SLCO3A1: variants seen among roughly 807,000 people sequenced by gnomAD.
SLCO3A1 encodes the protein solute carrier organic anion transporter family member 3A1.
In SLCO3A1, 27 loss-of-function variants were observed where a neutral mutation model predicts 63.1. That is an observed-to-expected ratio of 0.43 (90% CI 0.32 to 0.59). SLCO3A1 has a LOEUF of 0.59. Among genes scored for constraint, SLCO3A1 ranks in the 20% least tolerant of loss-of-function variants. SLCO3A1 has a pLI of 0.09. For synonymous variants in SLCO3A1, 473 were observed against 409.9 expected, an observed-to-expected ratio of 1.15 and a Z score of -1.86; for missense variants, 773 against 945.8, an observed-to-expected ratio of 0.82 and a Z score of 2.40.
At chr15:91,940,228 T>A (rs1469288359) in intron 2 of SLCO3A1, among the ~76,000 whole-genome samples, 1 of 152,160 alleles carries the variant, frequency 6.6e-6, no homozygotes, top group African/African-American at 2.4e-5. Flanking sequence ...TTCAGGTCAG[T>A]GTCCTGTCTG....
chr15:91,973,084 C>G (rs1900943192), intron 2 of SLCO3A1, among the ~76,000 whole-genome samples: 1 of 152,222 alleles, frequency 6.6e-6, no homozygotes, highest in Admixed American at 6.5e-5. Context: ...CATTGCACTC[C>G]AGTCTGGCAA....
intron 1 of SLCO3A1, among the ~76,000 whole-genome samples, chr15:91,914,427 CAG>C (rs1898584212): frequency 1.3e-5 from 2 of 152,136 alleles, no homozygotes; most frequent in African/African-American, 2.4e-5. Flanking sequence ...GAAATAATAA[CAG>C]GGGTTCAAAC....
intron 2 of SLCO3A1, among the ~76,000 whole-genome samples, chr15:92,031,442 G>T (rs536342976): frequency 6.6e-6 from 1 of 152,200 alleles, no homozygotes; most frequent in African/African-American, 2.4e-5. Flanking sequence ...AAATAAGAGG[G>T]CTGAGTTTGC....
At chr15:92,003,820 G>A (rs372976912) in intron 2 of SLCO3A1, among the ~76,000 whole-genome samples, 9 of 152,266 alleles carry the variant, frequency 5.9e-5, no homozygotes, top group Admixed American at 3.9e-4. Context: ...GCTGTGGGTC[G>A]GATCACAGCC....
intron 2 of SLCO3A1, among the ~76,000 whole-genome samples, chr15:91,920,289 G>A (rs544831581): frequency 7.2e-5 from 11 of 152,152 alleles, no homozygotes; most frequent in Non-Finnish European, 1.3e-4. Context: ...GGTGGTGCAC[G>A]GTCCAGGGAG....
chr15:92,023,351 A>G (rs1385198127), intron 2 of SLCO3A1, among the ~76,000 whole-genome samples: 2 of 152,178 alleles, frequency 1.3e-5, no homozygotes. Context: ...TTTCAAGACT[A>G]TGGGATTGAA....
intron 2 of SLCO3A1, among the ~76,000 whole-genome samples, chr15:92,006,102 A>T (rs2046309410): frequency 6.6e-6 from 1 of 152,080 alleles, no homozygotes; most frequent in African/African-American, 2.4e-5. Context: ...TAATTTGCTA[A>T]TCTGTTTTTT....
rs1240690800 is a variant in SLCO3A1 at position 91,968,424 on chromosome 15, A to G, written c.646+51966A>G. 2.6e-5 allele frequency among the ~76,000 whole-genome samples: 4 copies of G among 152,062 alleles called. No homozygotes were observed. The highest frequency in any genetic ancestry group is 9.7e-5 in the African/African-American group (4 of 41,402). On this transcript the variant is annotated intron_variant, in intron 2 of 9. Coordinates refer to ENST00000318445, the MANE Select transcript of SLCO3A1 (RefSeq NM_013272.4). The surrounding 1 kb of genome is among the most constrained non-coding windows in gnomAD (Gnocchi z 4.2). ...AGTGAGTCATAGAGTGGCCCTCTAG[A>G]ATCCTCCAGCCTGTGCTTATTATGC...
Position 92,116,641 on chromosome 15 carries a change from G to C in SLCO3A1, c.1010-3824G>C, listed in dbSNP as rs74622450. Among the ~76,000 whole-genome samples the C allele has an allele frequency of 9.2e-3, 1,409 of 152,344 alleles. 18 individuals are homozygous for C. Among genetic ancestry groups the C allele is most frequent in the African/African-American group, 0.032 (1,343 of 41,578 alleles). On this transcript the variant is annotated intron_variant, in intron 4 of 9. Coordinates refer to ENST00000318445, the MANE Select transcript of SLCO3A1 (RefSeq NM_013272.4). ...TAGCTGCTGCCTCCTTAAAAAGTCA[G>C]AATTTTATAGGCTTAACAATCTGTT... is the stretch of plus-strand genomic sequence containing the variant.
intron 2 of SLCO3A1, among the ~76,000 whole-genome samples, chr15:92,043,878 C>G (rs1543167): frequency 0.73 from 110,429 of 151,534 alleles, 41,231 homozygotes; most frequent in Admixed American, 0.86. Flanking sequence ...GCACCTGTTC[C>G]TGCCTCCCTC....
At chr15:91,930,930 T>A (rs2151390134) in intron 2 of SLCO3A1, among the ~76,000 whole-genome samples, 1 of 152,364 alleles carries the variant, frequency 6.6e-6, no homozygotes, top group South Asian at 2.1e-4. Context: ...TCTCAACTAC[T>A]GTGTTTTCCT....
chr15:91,881,273 G>A (rs1306914814), intron 1 of SLCO3A1, among the ~76,000 whole-genome samples: 3 of 148,916 alleles, frequency 2.0e-5, no homozygotes, highest in Admixed American at 6.7e-5. Flanking sequence ...TTTTCATTTC[G>A]AAAAGTGTTC....
intron 1 of SLCO3A1, among the ~76,000 whole-genome samples, chr15:91,876,952 G>C (rs150271413): frequency 3.3e-5 from 5 of 152,154 alleles, no homozygotes. Flanking sequence ...GATATGTTTG[G>C]GGTTCTGCTG....
At chr15:92,122,089 A>T (rs1283920751) in intron 5 of SLCO3A1, among the ~76,000 whole-genome samples, 1 of 152,172 alleles carries the variant, frequency 6.6e-6, no homozygotes, top group Non-Finnish European at 1.5e-5. Flanking sequence ...GGTTGCTGGG[A>T]CAGGAAAGAC....
At position 91,894,169 on chromosome 15, in the gene SLCO3A1, A is replaced by T. The variant is rs368210709; in HGVS notation, c.181-21824A>T. On this transcript the variant is annotated intron_variant, in intron 1 of 9. Coordinates refer to ENST00000318445, the MANE Select transcript of SLCO3A1 (RefSeq NM_013272.4). The surrounding 1 kb of genome is among the most constrained non-coding windows in gnomAD (Gnocchi z 4.8). ...GGGTTTGATCTGTTTGCAGAACAGC[A>T]AGGCAACTGGTGTGGTTTGAATGGT... Among the ~76,000 whole-genome samples, 13 of 152,212 alleles carry T rather than the reference A, an allele frequency of 8.5e-5. No homozygotes were observed. In the East Asian group the frequency reaches 1.9e-3, roughly 23 times the overall value.
At chr15:92,111,968 G>C (rs932887711) in intron 4 of SLCO3A1, among the ~76,000 whole-genome samples, 7 of 152,202 alleles carry the variant, frequency 4.6e-5, no homozygotes, top group African/African-American at 1.4e-4. Context: ...ATGTGACTCA[G>C]AACTGTTTCA....
chr15:91,854,475 T>C lies in SLCO3A1; in HGVS notation c.180+387T>C. The C allele has an allele frequency of 1.5e-6, 1 of 686,230 alleles. No homozygotes were observed. Among genetic ancestry groups the C allele is most frequent in the Non-Finnish European group, 1.8e-6 (1 of 551,782 alleles). 42.5% of individuals were successfully genotyped at this position (686,230 alleles called of 1,614,324 possible). A position where few individuals can be genotyped will look rare whatever the true frequency, so the allele number is the denominator to read the frequency against. On this transcript the variant is annotated intron_variant, in intron 1 of 9. Transcript: ENST00000318445. The surrounding 1 kb of genome is among the most constrained non-coding windows in gnomAD (Gnocchi z 6.4). ...TCGGGGTTTTCAGGTGACCTGCACA[T>C]GGGAAGAAAAACCAGTTAGCATCCT...
Position 91,856,688 on chromosome 15 carries a change from G to C in SLCO3A1, c.180+2600G>C, listed in dbSNP as rs576883154. Among the ~76,000 whole-genome samples the C allele has an allele frequency of 1.3e-5, 2 of 152,142 alleles. No homozygotes were observed. Among genetic ancestry groups the C allele is most frequent in the East Asian group, 1.9e-4 (1 of 5,198 alleles). ...TCCACGTGCTAAGTGTGCGTTATAC[G>C]TGATCCTTACCTTGGCAATCAGCCT... On this transcript the variant is annotated intron_variant, in intron 1 of 9. Coordinates refer to ENST00000318445, the MANE Select transcript of SLCO3A1 (RefSeq NM_013272.4). This position sits in a 1 kb window ranked among gnomAD's most constrained non-coding sequence, Gnocchi z 4.9.
chr15:91,909,803 T>A (rs1404601460), intron 1 of SLCO3A1, among the ~76,000 whole-genome samples: 1 of 152,194 alleles, frequency 6.6e-6, no homozygotes, highest in Non-Finnish European at 1.5e-5. Context: ...GTTCCATGCC[T>A]CCAATCAGCT....
Sources: allele counts gnomAD v4.1 joint callset (sites outside exome capture counted in the v4.1 genomes callset), GRCh38; gene constraint gnomAD v4.1.1; non-coding constraint Gnocchi (gnomAD v3.1); transcripts MANE v1.5; gene names NCBI Gene and HGNC (gene_info 2026-07-23, HGNC 2026-07-21).